LPP: variants seen among roughly 807,000 people sequenced by gnomAD.
The protein encoded by LPP is lipoma-preferred partner.
In LPP, 38 loss-of-function variants were observed where a neutral mutation model predicts 60.4. The observed-to-expected ratio is 0.63, with a 90% CI of 0.49 to 0.83. The LOEUF (loss-of-function observed/expected upper bound fraction) is 0.83, where lower values mean the gene tolerates loss of function less well. LPP is among the 40% of genes least tolerant of loss of function. The probability of loss-of-function intolerance (pLI) is 0.00; values close to 1 mark genes in which losing one functional copy is unlikely to be tolerated. For synonymous variants in LPP, 328 were observed against 290.8 expected (o/e 1.13, Z -1.30); for missense variants, 902 against 783.6 (o/e 1.15, Z -1.80).
chr3:188,532,144 C>T (rs1579701717), intron 6 of LPP, among the ~76,000 whole-genome samples: 1 of 152,176 alleles, frequency 6.6e-6, no homozygotes, highest in Non-Finnish European at 1.5e-5. Flanking sequence ...TGGTATCTCA[C>T]ACCTGGAATC....
chr3:188,410,187 G>T (rs1405896314), intron 4 of LPP, among the ~76,000 whole-genome samples: 1 of 152,160 alleles, frequency 6.6e-6, no homozygotes, highest in East Asian at 1.9e-4. Flanking sequence ...TTGCAGAACT[G>T]AATTAATTGA....
At chr3:188,380,892 C>T (rs977745905) in intron 3 of LPP, among the ~76,000 whole-genome samples, 1 of 152,194 alleles carries the variant, frequency 6.6e-6, no homozygotes, top group East Asian at 1.9e-4. Context: ...AGCCCATTCT[C>T]ATGGATTAGG....
At chr3:188,591,255 C>T (rs2151093067) in intron 6 of LPP, among the ~76,000 whole-genome samples, 1 of 152,256 alleles carries the variant, frequency 6.6e-6, no homozygotes, top group Non-Finnish European at 1.5e-5. Context: ...TTAAAGGATC[C>T]AGACTATTAA....
At chr3:188,663,717 A>G (rs1428247898) in intron 7 of LPP, among the ~76,000 whole-genome samples, 2 of 152,202 alleles carry the variant, frequency 1.3e-5, no homozygotes, top group African/African-American at 4.8e-5. Context: ...TTTGGCACCA[A>G]TGACCACTTT....
chr3:188,637,173 A>T (rs2148670806), intron 7 of LPP, among the ~76,000 whole-genome samples: 1 of 152,006 alleles, frequency 6.6e-6, no homozygotes, highest in African/African-American at 2.4e-5. Context: ...CTCTCAGACC[A>T]CAGTGCAATC....
chr3:188,245,346 C>T (rs1388643189), intron 2 of LPP, among the ~76,000 whole-genome samples: 3 of 152,230 alleles, frequency 2.0e-5, no homozygotes, highest in African/African-American at 4.8e-5. Context: ...CTTCTGACCT[C>T]GTGATCTGCC....
intron 4 of LPP, among the ~76,000 whole-genome samples, chr3:188,444,595 C>T (rs1351498493): frequency 2.0e-5 from 3 of 152,218 alleles, no homozygotes; most frequent in Admixed American, 2.0e-4. Context: ...ATGACTAAAA[C>T]ACCAAAAGCA....
chr3:188,885,650 A>G lies in LPP; in HGVS notation c.*11171A>G, dbSNP rs961944832. The G allele has an allele frequency of 6.5e-6, 1 of 154,226 alleles. No individual in the cohort carries two copies. Among genetic ancestry groups the G allele is most frequent in the African/African-American group, 2.4e-5 (1 of 41,512 alleles). 9.6% of individuals were successfully genotyped at this position (154,226 alleles called of 1,614,324 possible). A position where few individuals can be genotyped will look rare whatever the true frequency, so the allele number is the denominator to read the frequency against. On this transcript the variant is annotated 3_prime_UTR_variant, in exon 12 of 12. Coordinates refer to ENST00000617246, the MANE Select transcript of LPP (RefSeq NM_001375462.1). ...ATGATTTATAATCCTTTGGGTATAT[A>G]CCCAGTAATGGGATGGCTGGGTCAA...
intron 9 of LPP, among the ~76,000 whole-genome samples, chr3:188,847,757 A>C (rs144474336): frequency 6.6e-6 from 1 of 152,368 alleles, no homozygotes; most frequent in East Asian, 1.9e-4. Context: ...GAGTGGGCTT[A>C]TAACTGTAAA....
Position 188,355,259 on chromosome 3 carries a change from G to A in LPP, c.-10+13540G>A, listed in dbSNP as rs188125750. ...CCTGACCTTGTGTTCTACCCGCCTC[G>A]GCCTCCCAAAGTGCTGGGATTACAG... is the stretch of plus-strand genomic sequence containing the variant. On this transcript the variant is annotated intron_variant, in intron 3 of 11. Transcript: ENST00000617246. 2.6e-3 allele frequency among the ~76,000 whole-genome samples: 400 copies of A among 152,126 alleles called. 2 individuals are homozygous for A. Among genetic ancestry groups the A allele is most frequent in the African/African-American group, 9.0e-3 (373 of 41,520 alleles).
intron 2 of LPP, among the ~76,000 whole-genome samples, chr3:188,228,885 A>G (rs917193868): frequency 6.6e-6 from 1 of 152,214 alleles, no homozygotes; most frequent in Admixed American, 6.5e-5. Context: ...TTTGTAAACT[A>G]TAAAGTGTGG....
rs185870734 is a variant in LPP at position 188,379,420 on chromosome 3, A to C, written c.-9-26692A>C. On this transcript the variant is annotated intron_variant, in intron 3 of 11. Transcript: ENST00000617246. ...GAGACATAATTTAATTAATTAACTC[A>C]AAGAGTAGAATTCAGTAATTTTTAA... Among the ~76,000 whole-genome samples, 174 of 152,324 alleles carry C rather than the reference A, an allele frequency of 1.1e-3. 1 individual carries two copies. The highest frequency in any genetic ancestry group is 3.9e-3 in the African/African-American group (161 of 41,552).
At chr3:188,847,863 G>A (rs566319227) in intron 9 of LPP, among the ~76,000 whole-genome samples, 4 of 152,250 alleles carry the variant, frequency 2.6e-5, no homozygotes, top group African/African-American at 7.2e-5. Flanking sequence ...TGAAATGAGT[G>A]ATAACCATTA....
intron 2 of LPP, among the ~76,000 whole-genome samples, chr3:188,293,265 G>T (rs1746641704): frequency 6.6e-6 from 1 of 152,220 alleles, no homozygotes. Context: ...TCTTGAGAGA[G>T]AGATGGTTTT....
chr3:188,613,267 T>TCTATATCTATAC (rs1844117526), intron 7 of LPP, among the ~76,000 whole-genome samples: 5 of 90,140 alleles, frequency 5.5e-5, no homozygotes, highest in South Asian at 3.0e-4. Flanking sequence ...TATACCTATA[T>TCTATATCTATAC]CTATATCTAT....
chr3:188,218,538 C>CT lies in LPP; in HGVS notation c.-189-6866dup, dbSNP rs1156813963. Among the ~76,000 whole-genome samples the CT allele has an allele frequency of 1.1e-4, 17 of 152,318 alleles. 1 individual carries two copies. The highest frequency in any genetic ancestry group is 4.1e-4 in the African/African-American group (17 of 41,562). The stretch of plus-strand genomic sequence containing the variant: ...CTTTCTCATGCGCCCCTCTTGCAGT[C>CT]TGTAGTTACCAGGTTTTCAAATAAT... On this transcript the variant is annotated intron_variant, in intron 1 of 11. Transcript: ENST00000617246.
At chr3:188,623,221 C>G (rs1396147837) in intron 7 of LPP, among the ~76,000 whole-genome samples, 1 of 149,828 alleles carries the variant, frequency 6.7e-6, no homozygotes, top group African/African-American at 2.5e-5. Flanking sequence ...CCTTCATGGA[C>G]ATTGGTTCAT....
intron 2 of LPP, among the ~76,000 whole-genome samples, chr3:188,305,147 A>G (rs1310449646): frequency 6.6e-6 from 1 of 152,178 alleles, no homozygotes. Flanking sequence ...TTTGAAGTCA[A>G]TGTACTTAAA....
At chr3:188,475,205 A>C (rs1216831936) in intron 4 of LPP, among the ~76,000 whole-genome samples, 2 of 152,192 alleles carry the variant, frequency 1.3e-5, no homozygotes, top group Non-Finnish European at 2.9e-5. Context: ...TATGGAGTGA[A>C]ACTGTCCAAT....
Sources: allele counts gnomAD v4.1 joint callset (sites outside exome capture counted in the v4.1 genomes callset), GRCh38; gene constraint gnomAD v4.1.1; transcripts MANE v1.5; gene names NCBI Gene and HGNC (gene_info 2026-07-23, HGNC 2026-07-21).